ACE: variants seen among roughly 807,000 people sequenced by gnomAD.
ACE encodes angiotensin-converting enzyme.
In ACE, 122 loss-of-function variants were observed where a neutral mutation model predicts 162.3. The observed-to-expected ratio is 0.75, with a 90% CI of 0.65 to 0.87. The LOEUF (loss-of-function observed/expected upper bound fraction) is 0.87, where lower values mean the gene tolerates loss of function less well. Ranked by LOEUF, ACE falls within the 40% of genes least tolerant of loss-of-function variation. ACE has a pLI of 0.00. For synonymous variants in ACE, 796 were observed against 720.6 expected (o/e 1.10, Z -1.68); for missense variants, 1,799 against 1,735.1 (o/e 1.04, Z -0.65).
At position 63,479,638 on chromosome 17, in the gene ACE, C is replaced by T. The variant is rs915608294; in HGVS notation, c.512-131C>T. On this transcript the variant is annotated intron_variant, in intron 3 of 24. Coordinates refer to ENST00000290866, the MANE Select transcript of ACE (RefSeq NM_000789.4). ...CCTCCCACCAGGCCTGTAGGTGGCCCCTGTCTCTGGGGGCACCGTGATGTT... is the reference window on the plus strand; with the variant it reads ...CCTCCCACCAGGCCTGTAGGTGGCCTCTGTCTCTGGGGGCACCGTGATGTT... 6 of 1,282,220 alleles carry T rather than the reference C, an allele frequency of 4.7e-6. No homozygotes were observed. In the South Asian group the frequency reaches 5.0e-5, roughly 11 times the overall value. 79.4% of individuals were successfully genotyped at this position (1,282,220 alleles called of 1,614,324 possible).
rs1176005253 is a variant in ACE, at chr17:63,497,841, G to C, written c.*475G>C. 1 of 339,502 alleles carries C rather than the reference G, an allele frequency of 2.9e-6. No homozygotes were observed. The allele number at this position is 339,502 out of a possible 1,614,324, so 21.0% of individuals were successfully genotyped here. On this transcript the variant is annotated 3_prime_UTR_variant, in exon 25 of 25. Transcript: ENST00000290866. ...TGTCCTGCCACCGCAGGCAGCCCCT[G>C]TCTGGCCCAAGCACTGACCCACGCG...
rs747313119 is a variant in ACE, at chr17:63,483,949, A to T, written c.1687A>T (p.Thr563Ser). The change falls in exon 11 of 25, where the codon ACC (threonine) becomes TCC (serine). Residue 563 changes from threonine (T) to serine (S), a missense_variant. Physicochemically the swap from Thr to Ser is moderately conservative, Grantham distance 58 (BLOSUM62 1). Coordinates refer to ENST00000290866, the MANE Select transcript of ACE (RefSeq NM_000789.4). ...PLHQCDIYRS[T>S]KAGAKLRKVL... is the part of the protein sequence containing the mutation. The stretch of plus-strand genomic sequence containing the variant: ...GCACCAGTGTGACATCTACCGGTCC[A>T]CCAAGGCAGGGGCCAAGCTCCGGTG... The T allele has an allele frequency of 6.2e-7, 1 of 1,613,866 alleles. No individual in the cohort carries two copies. The highest frequency in any genetic ancestry group is 1.7e-5 in the Admixed American group (1 of 59,986).
rs528282197 is a variant in ACE at position 63,495,988 on chromosome 17, CT to C, written c.3381-404del. On this transcript the variant is annotated intron_variant, in intron 22 of 24. Coordinates refer to ENST00000290866, the MANE Select transcript of ACE (RefSeq NM_000789.4). ...TTTGGATAAGATCATGTAGGACTGG[CT>C]TCCCTGCCCAGACCACCCTAGTAGA... Among the ~76,000 whole-genome samples, 195 of 152,042 alleles carry C rather than the reference CT, an allele frequency of 1.3e-3. 1 individual carries two copies. The highest frequency in any genetic ancestry group is 4.4e-3 in the African/African-American group (184 of 41,438).
At chr17:63,481,215 G>A in intron 6 of ACE, 27 bp downstream of exon 6, 17 of 1,577,658 alleles carry the variant, frequency 1.1e-5, no homozygotes, top group Non-Finnish European at 1.5e-5. Flanking sequence ...AGCCTGGGGT[G>A]GTGGGGGTCG....
In ACE at chr17:63,486,559, G is replaced by T. The variant is rs759228081; in HGVS notation, c.2061G>T (p.Leu687=). ...NITTETSKIL[L]QKNMQIANHT... ...ACACCATCCCCCTGTGCCCTCAGCT[G>T]CAGAAGAACATGCAAATAGCCAACC... Residue 687 remains leucine, a splice_region_variant and synonymous_variant, in exon 14 of 25, where the codon CTG becomes CTT. Coordinates refer to ENST00000290866, the MANE Select transcript of ACE (RefSeq NM_000789.4). The T allele has an allele frequency of 2.5e-6, 4 of 1,614,158 alleles. No individual in the cohort carries two copies. In the Admixed American group the frequency reaches 5.0e-5, roughly 20 times the overall value.
chr17:63,488,941 G>A lies in ACE; in HGVS notation c.2450G>A (p.Gly817Asp). The A allele has an allele frequency of 1.1e-5, 18 of 1,614,032 alleles. No homozygotes were observed. Among genetic ancestry groups the A allele is most frequent in the Non-Finnish European group, 1.4e-5 (17 of 1,180,026 alleles). ...ELINQAARLN[G>D]YVDAGDSWRS... ...GAGCCTGGCTGTGTCCCCTCTGTAG[G>A]CTATGTAGATGCAGGGGACTCGTGG... Residue 817 changes from glycine to aspartate, a missense_variant and splice_region_variant, in exon 17 of 25, where the codon GGC becomes GAC. Physicochemically the swap from Gly to Asp is moderately conservative, Grantham distance 94. Coordinates refer to ENST00000290866, the MANE Select transcript of ACE (RefSeq NM_000789.4).
Position 63,486,639 on chromosome 17 carries a change from A to T in ACE, c.2141A>T (p.Asn714Ile). The T allele has an allele frequency of 6.2e-7, 1 of 1,614,252 alleles. No homozygotes were observed. The highest frequency in any genetic ancestry group is 8.5e-7 in the Non-Finnish European group (1 of 1,180,044). The stretch of plus-strand genomic sequence containing the variant: ...AAGTTTGATGTGAACCAGTTGCAGA[A>T]CACCACTATCAAGCGGATCATAAAG... ...ARKFDVNQLQ[N>I]TTIKRIIKKV... Residue 714 changes from asparagine (N) to isoleucine (I), a missense_variant, in exon 14 of 25, where the codon AAC (asparagine) becomes ATC (isoleucine). By Grantham distance (149) the Asn-to-Ile change is moderately radical. Coordinates refer to ENST00000290866, the MANE Select transcript of ACE (RefSeq NM_000789.4).
In ACE at chr17:63,480,478, A is replaced by T. The variant is rs373616533; in HGVS notation, c.797A>T (p.Tyr266Phe). 6.2e-7 allele frequency: 1 copy of T among 1,614,112 alleles called. No homozygotes were observed. The highest frequency in any genetic ancestry group is 2.2e-5 in the East Asian group (1 of 44,884). The change falls in exon 5 of 25, where the codon TAC becomes TTC. Residue 266 changes from tyrosine to phenylalanine, a missense_variant. Transcript: ENST00000290866. ...GTCCGCCGCGCACTGCATCGCCGAT[A>T]CGGAGACAGATACATCAACCTCAGG... ...AFVRRALHRRYGDRYINLRGP... is the reference protein window; with the variant it reads ...AFVRRALHRRFGDRYINLRGP...
In ACE at chr17:63,479,193, G is replaced by C. The variant is rs4297; in HGVS notation, c.511+93G>C. ...ACCATGCAGTTGTGTAGGGTCTGTGGAGACAGCAGGTAAACCCAAAGGTGT... is the reference window on the plus strand; with the variant it reads ...ACCATGCAGTTGTGTAGGGTCTGTGCAGACAGCAGGTAAACCCAAAGGTGT... On this transcript the variant is annotated intron_variant, in intron 3 of 24. Coordinates refer to ENST00000290866, the MANE Select transcript of ACE (RefSeq NM_000789.4). The C allele has an allele frequency of 5.4e-3, 5,806 of 1,074,384 alleles. 200 individuals carry two copies. In the African/African-American group the frequency reaches 0.078, roughly 14 times the overall value. The allele number at this position is 1,074,384 out of a possible 1,614,324, so 66.6% of individuals were successfully genotyped here. A position where few individuals can be genotyped will look rare whatever the true frequency, so the allele number is the denominator to read the frequency against.
Position 63,484,011 on chromosome 17 carries a change from G to A in ACE, c.1709+40G>A. On this transcript the variant is annotated intron_variant, in intron 11 of 24. Transcript: ENST00000290866. This position sits in a 1 kb window ranked among gnomAD's most constrained non-coding sequence, Gnocchi z 4.0. ...GCCGGGGGAAGTGGGAGGCAGAGAG[G>A]AGCGGCTGGCAAAGGGTGTGGCAGG... is the stretch of plus-strand genomic sequence containing the variant. The A allele has an allele frequency of 1.3e-6, 2 of 1,582,438 alleles. No individual in the cohort carries two copies. The highest frequency in any genetic ancestry group is 2.3e-5 in the East Asian group (1 of 43,114).
intron 24 of ACE, 42 bp downstream of exon 24, chr17:63,497,027 C>G (rs983449554): frequency 1.3e-6 from 2 of 1,594,380 alleles, no homozygotes; most frequent in African/African-American, 2.7e-5. Context: ...GTCTTAACCC[C>G]CTCCCCAGGC....
intron 12 of ACE, 72 bp from the exon 13 acceptor site, chr17:63,485,164 G>T (rs1260474128): frequency 1.2e-6 from 2 of 1,608,748 alleles, no homozygotes; most frequent in Non-Finnish European, 1.7e-6. Flanking sequence ...AGGGATAATG[G>T]CTTCTGGTGA....
intron 22 of ACE, 53 bp from the exon 23 acceptor site, chr17:63,496,341 G>A: frequency 6.2e-7 from 1 of 1,613,188 alleles, no homozygotes; most frequent in Non-Finnish European, 8.5e-7. Context: ...GGGCCCAGTG[G>A]CACAAGGCCC....
Position 63,479,106 on chromosome 17 carries a change from G to C in ACE, c.511+6G>C. ...CTGCTGGTCCCTGGACCCAGGTACG[G>C]CCCTTGCAGCTCCCCTCTCGGCGGT... On this transcript the variant is annotated splice_donor_region_variant and intron_variant, in intron 3 of 24. Coordinates refer to ENST00000290866, the MANE Select transcript of ACE (RefSeq NM_000789.4). 5.0e-6 allele frequency: 8 copies of C among 1,608,346 alleles called. No individual in the cohort carries two copies. The highest frequency in any genetic ancestry group is 6.8e-6 in the Non-Finnish European group (8 of 1,177,100).
chr17:63,487,137 G>T (rs1250500059), intron 15 of ACE, 64 bp downstream of exon 15: 20 of 1,427,204 alleles, frequency 1.4e-5, no homozygotes, highest in Non-Finnish European at 2.0e-5. Context: ...GCCCGGGGGT[G>T]CTGGGTGAGA....
At position 63,484,581 on chromosome 17, in the gene ACE, T is replaced by A; in HGVS notation, c.1921+40T>A. 1 of 1,577,496 alleles carries A rather than the reference T, an allele frequency of 6.3e-7. No individual in the cohort carries two copies. The highest frequency in any genetic ancestry group is 8.6e-7 in the Non-Finnish European group (1 of 1,161,726). ...GAGGATGGTGTGGGGCTAAGGTGGG[T>A]CCTCAACTCTGGGCTTGGCCCAGGC... On this transcript the variant is annotated intron_variant, in intron 12 of 24. Coordinates refer to ENST00000290866, the MANE Select transcript of ACE (RefSeq NM_000789.4). This position sits in a 1 kb window ranked among gnomAD's most constrained non-coding sequence, Gnocchi z 4.0.
In ACE at chr17:63,483,117, G is replaced by A. The variant is rs752204662; in HGVS notation, c.1431G>A (p.Gly477=). The A allele has an allele frequency of 2.5e-6, 4 of 1,614,130 alleles. No homozygotes were observed. Among genetic ancestry groups the A allele is most frequent in the South Asian group, 1.1e-5 (1 of 91,082 alleles). ...FGYLVDQWRW[G]VFSGRTPPSR... ...ACTTGGTGGACCAGTGGCGCTGGGG[G>A]GTCTTTAGTGGGCGTACCCCCCCTT... The change falls in exon 9 of 25, where the codon GGG becomes GGA. Residue 477 remains glycine (G), a synonymous_variant. Coordinates refer to ENST00000290866, the MANE Select transcript of ACE (RefSeq NM_000789.4).
intron 21 of ACE, 146 bp downstream of exon 21, chr17:63,494,212 G>T: frequency 2.2e-6 from 3 of 1,337,740 alleles, no homozygotes; most frequent in Non-Finnish European, 3.1e-6. Context: ...TGGTGTAAGT[G>T]ATGGGGAAAA....
chr17:63,497,318 C>G lies in ACE; in HGVS notation c.3873C>G (p.His1291Gln). ...FSIRHRSLHR[H>Q]SHGPQFGSEV... ...TCCGCCACCGCAGCCTCCACCGGCACTCCCACGGGCCCCAGTTCGGCTCCG... is the reference window on the plus strand; with the variant it reads ...TCCGCCACCGCAGCCTCCACCGGCAGTCCCACGGGCCCCAGTTCGGCTCCG... Residue 1291 changes from histidine (H) to glutamine (Q), a missense_variant, in exon 25 of 25, where the codon CAC becomes CAG. By Grantham distance (24) the His-to-Gln change is conservative. Coordinates refer to ENST00000290866, the MANE Select transcript of ACE (RefSeq NM_000789.4). The G allele has an allele frequency of 6.5e-7, 1 of 1,549,274 alleles. No homozygotes were observed. Among genetic ancestry groups the G allele is most frequent in the Non-Finnish European group, 8.7e-7 (1 of 1,147,428 alleles).
Sources: gnomAD v4.1 joint callset for allele counts (sites outside exome capture counted in the v4.1 genomes callset) on GRCh38, gnomAD v4.1.1 for gene constraint, Gnocchi (gnomAD v3.1) non-coding constraint, MANE v1.5 for transcripts, NCBI Gene and HGNC (gene_info 2026-07-23, HGNC 2026-07-21) for gene names.